Variants in PCDHGB2 observed in about 807,000 individuals in gnomAD.
PCDHGB2 encodes protocadherin gamma subfamily B, 2, also known as protocadherin gamma-B2.
In PCDHGB2, 55 loss-of-function variants were observed where a neutral mutation model predicts 59.3. The ratio of observed to expected loss-of-function variants is 0.93; its 90% CI spans 0.75 to 1.16. The LOEUF (loss-of-function observed/expected upper bound fraction) is 1.16, where lower values mean the gene tolerates loss of function less well. PCDHGB2 is among the 50% of genes most tolerant of loss of function. The pLI is 0.00. For missense variants in PCDHGB2, 1,228 were observed against 1,198.5 expected (o/e 1.02, Z -0.36); for synonymous variants, 516 against 512.0 (o/e 1.01, Z -0.11).
chr5:141,500,444 C>T (rs1032064705), intron 2 of PCDHGB2, among the ~76,000 whole-genome samples: 3 of 151,370 alleles, frequency 2.0e-5, no homozygotes, highest in African/African-American at 4.9e-5. Context: ...CTCCTGACCT[C>T]GTGATCCGCC....
intron 1 of PCDHGB2, among the ~76,000 whole-genome samples, chr5:141,471,913 G>A (rs1307168228): frequency 6.6e-6 from 1 of 152,164 alleles, no homozygotes. Context: ...CAAGCATGAG[G>A]GAAATTTTGG....
At chr5:141,503,554 G>A (rs1395044357) in intron 2 of PCDHGB2, among the ~76,000 whole-genome samples, 11 of 149,146 alleles carry the variant, frequency 7.4e-5, no homozygotes, top group East Asian at 3.9e-4. Flanking sequence ...AGCCGAGATC[G>A]CGCCACTGTA....
intron 1 of PCDHGB2, chr5:141,411,997 T>A (rs1321898808): frequency 6.6e-6 from 1 of 152,030 alleles, no homozygotes; most frequent in Non-Finnish European, 1.5e-5. Context: ...GAAGGCATAG[T>A]GACATAAACA....
chr5:141,464,725 A>G (rs538200804), intron 1 of PCDHGB2, among the ~76,000 whole-genome samples: 27 of 152,178 alleles, frequency 1.8e-4, no homozygotes, highest in African/African-American at 5.1e-4. Flanking sequence ...TCATATGTTT[A>G]AAAGCCAGTT....
rs1224625072 is a variant in PCDHGB2, at chr5:141,490,972, C to T, written c.2422-3835C>T. ...AGACTGGGAACACTCAGCCCCCCAG[C>T]GTCTCCCTCGCTCTGCTCCTCCTGG... On this transcript the variant is annotated intron_variant, in intron 1 of 3. Transcript: ENST00000522605. This position sits in a 1 kb window ranked among gnomAD's most constrained non-coding sequence, Gnocchi z 5.4. The T allele has an allele frequency of 1.2e-5, 20 of 1,613,912 alleles. No individual in the cohort carries two copies. Among genetic ancestry groups the T allele is most frequent in the East Asian group, 4.5e-5 (2 of 44,882 alleles).
At chr5:141,414,186 G>C in intron 1 of PCDHGB2, 1 of 1,609,824 alleles carries the variant, frequency 6.2e-7, no homozygotes, top group Non-Finnish European at 8.5e-7. Context: ...CTGCAAAAGT[G>C]TTGATTACAG....
At chr5:141,413,132 A>G in intron 1 of PCDHGB2, 1 of 1,542,144 alleles carries the variant, frequency 6.5e-7, no homozygotes, top group Non-Finnish European at 8.7e-7. Context: ...GAAACACACA[A>G]CGTGTCCAGT....
At position 141,487,892 on chromosome 5, in the gene PCDHGB2, T is replaced by C; in HGVS notation, c.2422-6915T>C. The C allele has an allele frequency of 2.7e-6, 2 of 731,410 alleles. No individual in the cohort carries two copies. The highest frequency in any genetic ancestry group is 4.4e-6 in the Non-Finnish European group (2 of 450,094). 45.3% of individuals were successfully genotyped at this position (731,410 alleles called of 1,614,324 possible). On this transcript the variant is annotated intron_variant, in intron 1 of 3. Coordinates refer to ENST00000522605, the MANE Select transcript of PCDHGB2 (RefSeq NM_018923.3). This position sits in a 1 kb window ranked among gnomAD's most constrained non-coding sequence, Gnocchi z 5.0. ...GAGCCAGGCTGTTGTGGAAGCATGA[T>C]GATGGAATGTGGGAGCACAGGAGGC...
At chr5:141,423,187 C>G in intron 1 of PCDHGB2, 5 of 1,613,640 alleles carry the variant, frequency 3.1e-6, no homozygotes, top group Middle Eastern at 1.6e-4. Context: ...CGGCCAGCCC[C>G]CTCTCTCGGC....
chr5:141,389,135 T>C (rs547733890), intron 1 of PCDHGB2: 2 of 1,613,982 alleles, frequency 1.2e-6, no homozygotes, highest in Admixed American at 1.7e-5. Context: ...CAGAGTACAA[T>C]ATAACCGTTA....
chr5:141,429,426 G>C (rs992784469), intron 1 of PCDHGB2, among the ~76,000 whole-genome samples: 3 of 151,724 alleles, frequency 2.0e-5, no homozygotes, highest in African/African-American at 4.8e-5. Context: ...TGTTGCCCAG[G>C]CTGGACTCAA....
At chr5:141,366,240 C>T (rs750277167) in intron 1 of PCDHGB2, 11 of 1,613,680 alleles carry the variant, frequency 6.8e-6, no homozygotes, top group African/African-American at 5.3e-5. Flanking sequence ...GACAGAGACG[C>T]GCTCAAGCAG....
intron 1 of PCDHGB2, chr5:141,420,156 AT>A (rs755916873): frequency 6.2e-7 from 1 of 1,613,990 alleles, no homozygotes; most frequent in African/African-American, 1.3e-5. Flanking sequence ...CCAGAATTTA[AT>A]TTTTTCACAT....
intron 1 of PCDHGB2, chr5:141,408,243 G>T: frequency 6.3e-7 from 1 of 1,583,996 alleles, no homozygotes; most frequent in African/African-American, 1.3e-5. Context: ...GCCGGCCCGC[G>T]GCAGGTGCTA....
rs113065470 is a variant in PCDHGB2 at position 141,401,000 on chromosome 5, C to A, written c.2421+38444C>A. 4.1e-3 allele frequency among the ~76,000 whole-genome samples: 629 copies of A among 152,216 alleles called. 6 individuals are homozygous for A. The highest frequency in any genetic ancestry group is 0.014 in the African/African-American group (590 of 41,530). On this transcript the variant is annotated intron_variant, in intron 1 of 3. Coordinates refer to ENST00000522605, the MANE Select transcript of PCDHGB2 (RefSeq NM_018923.3). ...TGTTCCTCATATATGCTTTCTTATT[C>A]CTACCTAATGGATTTATGATTTTTT...
chr5:141,404,165 T>G, intron 1 of PCDHGB2: 1 of 1,613,246 alleles, frequency 6.2e-7, no homozygotes, highest in Non-Finnish European at 8.5e-7. Flanking sequence ...TTACAGATTG[T>G]TGACGGCCCA....
At chr5:141,415,740 G>GTTTTTTT (rs57426385) in intron 1 of PCDHGB2, 164 of 624,990 alleles carry the variant, frequency 2.6e-4, no homozygotes, top group African/African-American at 5.0e-4. Flanking sequence ...GTTTATTAAG[G>GTTTTTTT]TTTTTTTTTT....
chr5:141,494,936 G>C, intron 2 of PCDHGB2, 71 bp downstream of exon 2: 1 of 1,612,574 alleles, frequency 6.2e-7, no homozygotes, highest in South Asian at 1.1e-5. Flanking sequence ...GGAGGAGATG[G>C]GGGAGGGCCC....
intron 1 of PCDHGB2, chr5:141,375,763 C>G: frequency 6.2e-7 from 1 of 1,614,242 alleles, no homozygotes; most frequent in South Asian, 1.1e-5. Context: ...ACAATGCGCC[C>G]GAGATCCTGT....
Sources: allele counts gnomAD v4.1 joint callset (sites outside exome capture counted in the v4.1 genomes callset), GRCh38; gene constraint gnomAD v4.1.1; non-coding constraint Gnocchi (gnomAD v3.1); transcripts MANE v1.5; gene names NCBI Gene and HGNC (gene_info 2026-07-23, HGNC 2026-07-21).